Variants in UBE2B observed in about 807,000 individuals in gnomAD.
UBE2B encodes ubiquitin-conjugating enzyme E2 B.
UBE2B carries 11 observed loss-of-function variants against 24.6 expected under a neutral mutation model. The observed-to-expected ratio is 0.45, with a 90% CI of 0.28 to 0.74. The LOEUF is 0.74. Among genes scored for constraint, UBE2B ranks in the 30% least tolerant of loss-of-function variants. UBE2B has a pLI of 0.13. For synonymous variants in UBE2B, 68 were observed against 62.4 expected (o/e 1.09, Z -0.42); for missense variants, 78 against 185.6 (o/e 0.42, Z 3.37).
At chr5:134,389,707 C>T (rs1316319490) in intron 5 of UBE2B, among the ~76,000 whole-genome samples, 1 of 152,146 alleles carries the variant, frequency 6.6e-6, no homozygotes, top group African/African-American at 2.4e-5. Context: ...CCACCACACC[C>T]GGCTAATTTT....
At chr5:134,384,054 A>G (rs1758757554) in intron 4 of UBE2B, among the ~76,000 whole-genome samples, 1 of 152,108 alleles carries the variant, frequency 6.6e-6, no homozygotes, top group African/African-American at 2.4e-5. Context: ...TTACATTTAT[A>G]TTTCTGTATT....
chr5:134,375,405 G>A (rs1471366139), intron 2 of UBE2B, among the ~76,000 whole-genome samples: 1 of 152,084 alleles, frequency 6.6e-6, no homozygotes, highest in Non-Finnish European at 1.5e-5. Context: ...AAAGGAGTAT[G>A]TTGATAAACA....
chr5:134,386,069 G>T (rs1361315464), intron 4 of UBE2B, among the ~76,000 whole-genome samples: 1 of 151,624 alleles, frequency 6.6e-6, no homozygotes, highest in Non-Finnish European at 1.5e-5. Context: ...GCTCACACCT[G>T]TAATCCCAGC....
chr5:134,384,524 A>G (rs1758765502), intron 4 of UBE2B, among the ~76,000 whole-genome samples: 1 of 152,186 alleles, frequency 6.6e-6, no homozygotes, highest in Non-Finnish European at 1.5e-5. Flanking sequence ...AAAGGTGGGA[A>G]AGACTGTAGA....
intron 4 of UBE2B, among the ~76,000 whole-genome samples, chr5:134,383,073 G>C (rs1000847550): frequency 1.3e-5 from 2 of 152,086 alleles, no homozygotes; most frequent in African/African-American, 4.8e-5. Context: ...GCTGAGGCGG[G>C]AGAATTGCTT....
chr5:134,384,260 C>T (rs139369086), intron 4 of UBE2B, among the ~76,000 whole-genome samples: 1 of 152,170 alleles, frequency 6.6e-6, no homozygotes, highest in Non-Finnish European at 1.5e-5. Context: ...AGATGTGTTT[C>T]GTTTGTGTCT....
At chr5:134,373,730 T>C (rs1481713411) in intron 1 of UBE2B, among the ~76,000 whole-genome samples, 5 of 152,042 alleles carry the variant, frequency 3.3e-5, no homozygotes, top group African/African-American at 9.7e-5. Flanking sequence ...TGAGAACACG[T>C]GGTGTTTGGT....
chr5:134,372,934 C>T (rs1758509361), intron 1 of UBE2B, among the ~76,000 whole-genome samples: 1 of 152,140 alleles, frequency 6.6e-6, no homozygotes, highest in Non-Finnish European at 1.5e-5. Flanking sequence ...TTGAAATCAG[C>T]GTATTTGATT....
chr5:134,371,707 A>G, intron 1 of UBE2B, 68 bp downstream of exon 1: 2 of 1,604,522 alleles, frequency 1.2e-6, no homozygotes, highest in East Asian at 2.2e-5. Context: ...CGTGGATCCC[A>G]GACACCTTCC....
At chr5:134,373,932 C>T (rs1445308961) in intron 1 of UBE2B, among the ~76,000 whole-genome samples, 1 of 152,148 alleles carries the variant, frequency 6.6e-6, no homozygotes, top group East Asian at 1.9e-4. Flanking sequence ...GTGAGTAGTG[C>T]CGCAATAAAC....
rs764737628 is a variant in UBE2B, at chr5:134,390,180, A to G, written c.331-45A>G. 8.7e-5 allele frequency: 140 copies of G among 1,611,620 alleles called. No homozygotes were observed. The highest frequency in any genetic ancestry group is 1.3e-5 in the Non-Finnish European group (15 of 1,179,352). On this transcript the variant is annotated intron_variant, in intron 5 of 5. Coordinates refer to ENST00000265339, the MANE Select transcript of UBE2B (RefSeq NM_003337.4). The surrounding 1 kb of genome is among the most constrained non-coding windows in gnomAD (Gnocchi z 4.6). The stretch of plus-strand genomic sequence containing the variant: ...TTCCATATCTGACCCCTGTTGGTAT[A>G]AAGAACAACTATGCAAATCTGTTTT...
At chr5:134,384,417 TC>T (rs1220255677) in intron 4 of UBE2B, among the ~76,000 whole-genome samples, 13 of 152,186 alleles carry the variant, frequency 8.5e-5, no homozygotes, top group Non-Finnish European at 1.6e-4. Context: ...TTGGGGAAGT[TC>T]CCAGGTCATT....
chr5:134,386,529 G>A (rs2014662111), intron 4 of UBE2B, among the ~76,000 whole-genome samples: 1 of 151,966 alleles, frequency 6.6e-6, no homozygotes. Context: ...CTACGTGGGA[G>A]GCTGAGGCAG....
rs768887241 is a variant in UBE2B at position 134,380,760 on chromosome 5, A to G, written c.193A>G (p.Asn65Asp). The change falls in exon 4 of 6, where the codon AAT becomes GAT. Residue 65 changes from asparagine (N) to aspartate (D), a missense_variant. Physicochemically the swap from Asn to Asp is conservative, Grantham distance 23. Coordinates refer to ENST00000265339, the MANE Select transcript of UBE2B (RefSeq NM_003337.4). ...AATAGAATTTTCTGAAGAATATCCA[A>G]ATAAACCACCAACTGTTAGGTTTTT... ...LVIEFSEEYP[N>D]KPPTVRFLSK... 1 of 1,594,186 alleles carries G rather than the reference A, an allele frequency of 6.3e-7. No homozygotes were observed. Among genetic ancestry groups the G allele is most frequent in the East Asian group, 2.2e-5 (1 of 44,706 alleles).
At chr5:134,374,605 A>C in intron 2 of UBE2B, 142 bp downstream of exon 2, 1 of 972,488 alleles carries the variant, frequency 1.0e-6, no homozygotes, top group South Asian at 1.4e-5. Flanking sequence ...AGAAAAAAAA[A>C]ATATTTCAAT....
chr5:134,377,967 G>A (rs1466135376), intron 3 of UBE2B, among the ~76,000 whole-genome samples: 4 of 152,176 alleles, frequency 2.6e-5, no homozygotes, highest in African/African-American at 9.7e-5. Context: ...GCTTAGGCAG[G>A]TGGATCATGG....
intron 4 of UBE2B, among the ~76,000 whole-genome samples, chr5:134,385,088 A>G (rs1758775554): frequency 6.6e-6 from 1 of 152,164 alleles, no homozygotes; most frequent in Non-Finnish European, 1.5e-5. Context: ...TATTTTGTTC[A>G]TTAGTTGATA....
chr5:134,383,473 CTTTTTTTTTTTTTTTTTTT>C (rs747399191), intron 4 of UBE2B, among the ~76,000 whole-genome samples: 1 of 80,032 alleles, frequency 1.2e-5, no homozygotes, highest in Non-Finnish European at 2.4e-5. Context: ...CCATACCCAG[CTTTTTTTTTTTTTTTTTTT>C]TTTTTTTTGA....
At chr5:134,371,691 G>A (rs1351809742) in intron 1 of UBE2B, 52 bp downstream of exon 1, 1 of 1,610,640 alleles carries the variant, frequency 6.2e-7, no homozygotes, top group Admixed American at 1.7e-5. Flanking sequence ...CTGCGGGGCT[G>A]CAGGGCGTGG....
Sources: allele counts gnomAD v4.1 joint callset (sites outside exome capture counted in the v4.1 genomes callset), GRCh38; gene constraint gnomAD v4.1.1; non-coding constraint Gnocchi (gnomAD v3.1); transcripts MANE v1.5; gene names NCBI Gene and HGNC (gene_info 2026-07-23, HGNC 2026-07-21).